The following HDAC9 variants were observed in gnomAD, a reference collection of about 807,000 sequenced individuals.
HDAC9 encodes histone deacetylase 9.
HDAC9 carries 41 observed loss-of-function variants against 139.4 expected under a neutral mutation model. That is an observed-to-expected ratio of 0.29 (90% CI 0.23 to 0.38). The LOEUF (loss-of-function observed/expected upper bound fraction) is 0.38, where lower values mean the gene tolerates loss of function less well. Ranked by LOEUF, HDAC9 falls within the 10% of genes least tolerant of loss-of-function variation. The probability of loss-of-function intolerance (pLI) is 1.00; values close to 1 mark genes in which losing one functional copy is unlikely to be tolerated. For missense variants in HDAC9, 1,147 were observed against 1,297.0 expected, an observed-to-expected ratio of 0.88 and a Z score of 1.78; for synonymous variants, 517 against 476.2, an observed-to-expected ratio of 1.09 and a Z score of -1.12.
intron 1 of HDAC9, among the ~76,000 whole-genome samples, chr7:18,441,992 G>A (rs181788967): frequency 4.8e-4 from 73 of 152,094 alleles, no homozygotes; most frequent in African/African-American, 1.7e-3. Context: ...GGATGGTCTC[G>A]ATCTCCTGAC....
chr7:18,903,228 C>T lies in HDAC9; in HGVS notation c.2803+28632C>T, dbSNP rs936176544. Among the ~76,000 whole-genome samples the T allele has an allele frequency of 2.0e-5, 3 of 152,134 alleles. No individual in the cohort carries two copies. In the South Asian group the frequency reaches 6.2e-4, roughly 32 times the overall value. The stretch of plus-strand genomic sequence containing the variant: ...ACCTGCATTTGGGTCCTGACTTGGC[C>T]CTTCTAAGCAATAACATGACTTTAG... On this transcript the variant is annotated intron_variant, in intron 22 of 25. Coordinates refer to ENST00000686413, the MANE Select transcript of HDAC9 (RefSeq NM_178425.4).
intron 19 of HDAC9, 42 bp from the exon 20 acceptor site, chr7:18,835,425 T>G: frequency 6.3e-7 from 1 of 1,579,748 alleles, no homozygotes; most frequent in East Asian, 2.3e-5. Flanking sequence ...CACACAAAGT[T>G]AGACATGACT....
intron 2 of HDAC9, among the ~76,000 whole-genome samples, chr7:18,262,994 A>G (rs1052178305): frequency 1.3e-5 from 2 of 152,202 alleles, no homozygotes; most frequent in African/African-American, 4.8e-5. Context: ...GTAGACATAA[A>G]TCCTACCTTA....
chr7:18,785,742 T>G lies in HDAC9; in HGVS notation c.2215-7603T>G, dbSNP rs189749301. 3.9e-5 allele frequency among the ~76,000 whole-genome samples: 6 copies of G among 152,250 alleles called. No homozygotes were observed. The East Asian group carries it at 1.2e-3, about 29-fold the overall frequency. ...ATTTATTTTACTTTTTGGATTTTGATTTTACTAGCATAAAAATTACTATGG... is the reference window on the plus strand; with the variant it reads ...ATTTATTTTACTTTTTGGATTTTGAGTTTACTAGCATAAAAATTACTATGG... On this transcript the variant is annotated intron_variant, in intron 16 of 25. Coordinates refer to ENST00000686413, the MANE Select transcript of HDAC9 (RefSeq NM_178425.4).
intron 11 of HDAC9, among the ~76,000 whole-genome samples, chr7:18,654,028 G>A (rs1790245032): frequency 6.6e-6 from 1 of 151,966 alleles, no homozygotes. Flanking sequence ...TGTCCCTGAA[G>A]GCAGTTATAA....
intron 21 of HDAC9, among the ~76,000 whole-genome samples, chr7:18,841,229 A>G (rs111538890): frequency 0.014 from 2,121 of 152,214 alleles, 55 homozygotes; most frequent in African/African-American, 0.047. Flanking sequence ...TCTATTTAAG[A>G]GATAAAATGG....
At chr7:18,765,000 A>G (rs1365742539) in intron 15 of HDAC9, among the ~76,000 whole-genome samples, 1 of 152,158 alleles carries the variant, frequency 6.6e-6, no homozygotes, top group Non-Finnish European at 1.5e-5. Context: ...TGGAGAAGAC[A>G]TTCTCTCCAA....
At chr7:18,664,098 A>G (rs765980938) in intron 11 of HDAC9, among the ~76,000 whole-genome samples, 2 of 152,180 alleles carry the variant, frequency 1.3e-5, no homozygotes, top group Non-Finnish European at 2.9e-5. Flanking sequence ...GGACTATAAT[A>G]TGGTCTCTTT....
At chr7:18,138,530 G>A (rs1374150107) in intron 1 of HDAC9, among the ~76,000 whole-genome samples, 5 of 88,700 alleles carry the variant, frequency 5.6e-5, no homozygotes, top group Non-Finnish European at 9.6e-5. Flanking sequence ...AGAGAGAGGT[G>A]TGTGTGTGTG....
chr7:18,522,409 A>G (rs1441467082), intron 2 of HDAC9, among the ~76,000 whole-genome samples: 1 of 152,148 alleles, frequency 6.6e-6, no homozygotes, highest in Non-Finnish European at 1.5e-5. Context: ...TCCCAACAAT[A>G]TGCTAAGAGT....
intron 16 of HDAC9, among the ~76,000 whole-genome samples, chr7:18,784,495 CAAAACAA>C (rs545436260): frequency 0.01 from 1,562 of 150,280 alleles, 19 homozygotes; most frequent in African/African-American, 0.037. Flanking sequence ...AATAAGAGGA[CAAAACAA>C]AAAACAAAAA....
chr7:18,213,764 C>T (rs530070334), intron 2 of HDAC9, among the ~76,000 whole-genome samples: 7 of 152,226 alleles, frequency 4.6e-5, no homozygotes, highest in East Asian at 1.9e-4. Context: ...CTTGGAAAAG[C>T]GTATTTAAGC....
rs141079427 is a variant in HDAC9, at chr7:18,818,068, T to G, written c.2323-11093T>G. Among the ~76,000 whole-genome samples the G allele has an allele frequency of 2.4e-3, 370 of 152,354 alleles. 2 individuals carry two copies. Among genetic ancestry groups the G allele is most frequent in the African/African-American group, 8.2e-3 (341 of 41,576 alleles). On this transcript the variant is annotated intron_variant, in intron 17 of 25. Coordinates refer to ENST00000686413, the MANE Select transcript of HDAC9 (RefSeq NM_178425.4). Reference sequence around the variant, plus strand: ...ACACATAAAACATCGCATGCGAATTTTGAATTCAGCAAATGTATTGGAAGT... The same window carrying G: ...ACACATAAAACATCGCATGCGAATTGTGAATTCAGCAAATGTATTGGAAGT...
chr7:18,980,885 G>A (rs1358436983), intron 25 of HDAC9, among the ~76,000 whole-genome samples: 1 of 150,804 alleles, frequency 6.6e-6, no homozygotes, highest in East Asian at 2.0e-4. Context: ...ATGCAGTGGT[G>A]TGATCTCAGC....
intron 1 of HDAC9, among the ~76,000 whole-genome samples, chr7:18,434,334 A>G (rs1399795629): frequency 2.0e-5 from 3 of 152,240 alleles, no homozygotes. Flanking sequence ...CATTCTGGGC[A>G]TAGGCCCTGG....
At chr7:18,868,771 C>A (rs1798683503) in intron 21 of HDAC9, among the ~76,000 whole-genome samples, 1 of 152,060 alleles carries the variant, frequency 6.6e-6, no homozygotes, top group Admixed American at 6.5e-5. Context: ...TTCACCTGTC[C>A]CAAGGCAGGA....
intron 2 of HDAC9, among the ~76,000 whole-genome samples, chr7:18,256,866 T>C (rs766932636): frequency 2.6e-5 from 4 of 152,044 alleles, no homozygotes; most frequent in Non-Finnish European, 4.4e-5. Flanking sequence ...GGTAGGGGGA[T>C]TGCTTGAGCC....
chr7:18,460,929 T>G (rs954828685), intron 1 of HDAC9, among the ~76,000 whole-genome samples: 4 of 152,040 alleles, frequency 2.6e-5, no homozygotes, highest in African/African-American at 9.7e-5. Flanking sequence ...GTGACTAACA[T>G]TTTGCAACTC....
intron 25 of HDAC9, among the ~76,000 whole-genome samples, chr7:18,989,516 C>T (rs1785679364): frequency 1.3e-5 from 2 of 150,048 alleles, no homozygotes; most frequent in South Asian, 4.2e-4. Context: ...TTTGGTGAAT[C>T]TGACAATTAT....
Sources: gnomAD v4.1 joint callset for allele counts (sites outside exome capture counted in the v4.1 genomes callset) on GRCh38, gnomAD v4.1.1 for gene constraint, MANE v1.5 for transcripts, NCBI Gene and HGNC (gene_info 2026-07-23, HGNC 2026-07-21) for gene names.